The following POFUT3 variants were observed in gnomAD, a reference collection of about 807,000 sequenced individuals.
POFUT3 encodes the protein protein O-fucosyltransferase 3.
the POFUT3 span, among the ~76,000 whole-genome samples, chr8:33,344,689 C>G: frequency 6.6e-6 from 1 of 152,182 alleles, no homozygotes. Flanking sequence ...GGTTGTGATA[C>G]AGAAAAGGAA....
chr8:33,326,732 G>C, the POFUT3 span, among the ~76,000 whole-genome samples: 24 of 152,076 alleles, frequency 1.6e-4, no homozygotes, highest in Non-Finnish European at 3.1e-4. Flanking sequence ...TTCTCACCTG[G>C]AATATTGCTC....
chr8:33,327,693 T>A, the POFUT3 span, among the ~76,000 whole-genome samples: 40,692 of 152,126 alleles, frequency 0.27, 5,867 homozygotes, highest in South Asian at 0.5. Context: ...ATGACTGGCC[T>A]TTGGAGGAAA....
chr8:33,390,205 TACAC>T, the POFUT3 span, among the ~76,000 whole-genome samples: 5 of 145,694 alleles, frequency 3.4e-5, no homozygotes, highest in East Asian at 2.0e-4. Flanking sequence ...GTGTGTGTCA[TACAC>T]ACACACACAC....
At chr8:33,326,806 C>G in the POFUT3 span, among the ~76,000 whole-genome samples, 1 of 152,214 alleles carries the variant, frequency 6.6e-6, no homozygotes, top group Non-Finnish European at 1.5e-5. Flanking sequence ...GAAATAGGGT[C>G]TCCCTCTGTG....
chr8:33,423,845 AG>A, the POFUT3 span, among the ~76,000 whole-genome samples: 1 of 145,484 alleles, frequency 6.9e-6, no homozygotes, highest in East Asian at 2.5e-4. Context: ...AAAAAAAAAA[AG>A]AGCCATTACT....
At chr8:33,403,751 T>C in the POFUT3 span, among the ~76,000 whole-genome samples, 1 of 152,064 alleles carries the variant, frequency 6.6e-6, no homozygotes, top group East Asian at 1.9e-4. Flanking sequence ...AAAAATAAAT[T>C]TATAATGGGT....
At chr8:33,469,994 G>A in the POFUT3 span, among the ~76,000 whole-genome samples, 1 of 151,152 alleles carries the variant, frequency 6.6e-6, no homozygotes, top group Admixed American at 6.6e-5. Flanking sequence ...AGGGTTTCAC[G>A]ATGTTGGTCA....
chr8:33,333,100 G>A, the POFUT3 span, among the ~76,000 whole-genome samples: 3 of 152,148 alleles, frequency 2.0e-5, no homozygotes, highest in African/African-American at 4.8e-5. Flanking sequence ...AGGCAGACGC[G>A]GTACAAGCCC....
chr8:33,409,635 G>A, the POFUT3 span, among the ~76,000 whole-genome samples: 985 of 152,302 alleles, frequency 6.5e-3, 3 homozygotes, highest in Non-Finnish European at 9.8e-3. Flanking sequence ...GCCGGGCGCA[G>A]TGACTCACGC....
the POFUT3 span, among the ~76,000 whole-genome samples, chr8:33,350,660 T>A: frequency 2.4e-4 from 37 of 152,272 alleles, no homozygotes; most frequent in Non-Finnish European, 4.9e-4. Context: ...TGTTTTAAGG[T>A]CAAGGGGCTT....
the POFUT3 span, among the ~76,000 whole-genome samples, chr8:33,402,460 C>T: frequency 1.3e-5 from 2 of 152,190 alleles, no homozygotes; most frequent in Non-Finnish European, 2.9e-5. Flanking sequence ...CTTAGAGTCT[C>T]TCTCTACCCA....
At chr8:33,407,741 G>A in the POFUT3 span, among the ~76,000 whole-genome samples, 28 of 152,208 alleles carry the variant, frequency 1.8e-4, no homozygotes, top group African/African-American at 4.8e-4. Context: ...AGTGGCTCAC[G>A]CCTGTAATCC....
chr8:33,419,637 T>C, the POFUT3 span, among the ~76,000 whole-genome samples: 3 of 152,156 alleles, frequency 2.0e-5, no homozygotes, highest in East Asian at 5.8e-4. Flanking sequence ...ACTTGATCAT[T>C]ATACATTCTA....
the POFUT3 span, among the ~76,000 whole-genome samples, chr8:33,398,393 C>T: frequency 1.4e-4 from 21 of 152,158 alleles, no homozygotes; most frequent in Admixed American, 8.5e-4. Context: ...CCCCCACCTC[C>T]TGCTGGGATC....
At chr8:33,446,106 A>G in the POFUT3 span, among the ~76,000 whole-genome samples, 1 of 152,176 alleles carries the variant, frequency 6.6e-6, no homozygotes, top group Non-Finnish European at 1.5e-5. Context: ...GGTATAGAGC[A>G]GAAAGACCAT....
the POFUT3 span, among the ~76,000 whole-genome samples, chr8:33,422,513 C>G: frequency 7.3e-6 from 1 of 136,626 alleles, no homozygotes; most frequent in Non-Finnish European, 1.5e-5. Flanking sequence ...CCATTGCACT[C>G]CAGCCTGGGC....
the POFUT3 span, among the ~76,000 whole-genome samples, chr8:33,315,459 C>T: frequency 4.6e-5 from 7 of 152,104 alleles, no homozygotes; most frequent in Non-Finnish European, 8.8e-5. Context: ...TTCTTTGTGA[C>T]ATTATGGCTA....
the POFUT3 span, chr8:33,436,750 G>C: frequency 2.9e-5 from 17 of 584,200 alleles, no homozygotes; most frequent in East Asian, 4.9e-4. Context: ...CTTGCAGCAC[G>C]GACGCTTCTG....
the POFUT3 span, among the ~76,000 whole-genome samples, chr8:33,349,900 G>A: frequency 6.6e-6 from 1 of 152,062 alleles, no homozygotes; most frequent in Non-Finnish European, 1.5e-5. Context: ...ATTCCCACCA[G>A]CAGGGTAAAA....
Sources: allele counts gnomAD v4.1 joint callset (sites outside exome capture counted in the v4.1 genomes callset), GRCh38; gene constraint gnomAD v4.1.1; transcripts MANE v1.5; gene names NCBI Gene and HGNC (gene_info 2026-07-23, HGNC 2026-07-21).